CHCHD3: variants seen among roughly 807,000 people sequenced by gnomAD.
The protein encoded by CHCHD3 is MICOS complex subunit MIC19.
CHCHD3 carries 20 observed loss-of-function variants against 38.2 expected under a neutral mutation model. The ratio of observed to expected loss-of-function variants is 0.52; its 90% confidence interval spans 0.37 to 0.76. The LOEUF (loss-of-function observed/expected upper bound fraction) is 0.76. Ranked by LOEUF, CHCHD3 falls within the 30% of genes least tolerant of loss-of-function variation. The probability of loss-of-function intolerance (pLI) is 0.00; values close to 1 mark genes in which losing one functional copy is unlikely to be tolerated. For synonymous variants in CHCHD3, 82 were observed against 100.0 expected (o/e 0.82, Z 1.07); for missense variants, 245 against 279.2 (o/e 0.88, Z 0.87).
chr7:133,038,413 C>T (rs549540200), intron 2 of CHCHD3, among the ~76,000 whole-genome samples: 2 of 152,216 alleles, frequency 1.3e-5, no homozygotes, highest in Non-Finnish European at 2.9e-5. Context: ...TAATTGAACA[C>T]AATGAGATTC....
chr7:132,958,470 G>T (rs537311404), intron 4 of CHCHD3, among the ~76,000 whole-genome samples: 3 of 152,160 alleles, frequency 2.0e-5, no homozygotes, highest in African/African-American at 7.2e-5. Context: ...TACTATGAAG[G>T]TTTCCATCCA....
intron 2 of CHCHD3, among the ~76,000 whole-genome samples, chr7:133,029,066 A>T (rs970733851): frequency 1.3e-5 from 2 of 152,138 alleles, no homozygotes; most frequent in Admixed American, 1.3e-4. Context: ...AACATTAAGT[A>T]ACAAATTTCT....
At position 133,074,506 on chromosome 7, in the gene CHCHD3, C is replaced by T. The variant is rs139371801; in HGVS notation, c.82-4277G>A. On this transcript the variant is annotated intron_variant, in intron 1 of 7. Transcript: ENST00000262570. ...CTGAGACACATCCTAGAAAAATCCC[C>T]GTAAGACTGACTCAATTTATACTTG... Among the ~76,000 whole-genome samples, 208 of 152,166 alleles carry T rather than the reference C, an allele frequency of 1.4e-3. 1 individual carries two copies. Among genetic ancestry groups the T allele is most frequent in the African/African-American group, 3.8e-3 (157 of 41,512 alleles).
intron 5 of CHCHD3, among the ~76,000 whole-genome samples, chr7:132,857,762 CAG>C (rs1203174612): frequency 1.3e-5 from 2 of 152,162 alleles, no homozygotes; most frequent in Non-Finnish European, 2.9e-5. Context: ...CACTTCCTAA[CAG>C]GGGCCTGACT....
intron 5 of CHCHD3, among the ~76,000 whole-genome samples, chr7:132,882,256 G>A (rs988412984): frequency 1.2e-4 from 18 of 151,976 alleles, no homozygotes; most frequent in Middle Eastern, 3.2e-3. Context: ...GTGAATTGCC[G>A]AACAGCCACA....
intron 6 of CHCHD3, among the ~76,000 whole-genome samples, chr7:132,803,024 G>A (rs938173828): frequency 8.6e-5 from 13 of 151,948 alleles, no homozygotes; most frequent in Admixed American, 3.3e-4. Flanking sequence ...AAATAATAAC[G>A]CTGTAATAAA....
chr7:133,055,579 A>C (rs1248046408), intron 2 of CHCHD3, among the ~76,000 whole-genome samples: 1 of 147,224 alleles, frequency 6.8e-6, no homozygotes, highest in African/African-American at 2.5e-5. Flanking sequence ...AATTAATTCT[A>C]ATATAATTGT....
At chr7:132,787,892 G>C (rs2117016458) in intron 7 of CHCHD3, among the ~76,000 whole-genome samples, 1 of 152,282 alleles carries the variant, frequency 6.6e-6, no homozygotes, top group East Asian at 1.9e-4. Context: ...AGAAAAGCTA[G>C]ATGCATTTAG....
intron 5 of CHCHD3, among the ~76,000 whole-genome samples, chr7:132,842,000 A>C (rs1489380521): frequency 6.6e-6 from 1 of 152,170 alleles, no homozygotes; most frequent in Non-Finnish European, 1.5e-5. Flanking sequence ...CAGGAGGCTG[A>C]GGCAGGAGAA....
intron 2 of CHCHD3, among the ~76,000 whole-genome samples, chr7:133,066,760 C>G (rs1814681319): frequency 6.6e-6 from 1 of 152,118 alleles, no homozygotes; most frequent in African/African-American, 2.4e-5. Flanking sequence ...CCCACTCTCT[C>G]GAAATATCAA....
intron 5 of CHCHD3, among the ~76,000 whole-genome samples, chr7:132,850,601 A>C (rs1808197467): frequency 6.6e-6 from 1 of 152,036 alleles, no homozygotes; most frequent in Non-Finnish European, 1.5e-5. Flanking sequence ...ACTGCACCAA[A>C]AACTCATTTG....
At chr7:133,077,846 G>A (rs935546543) in intron 1 of CHCHD3, among the ~76,000 whole-genome samples, 1 of 152,094 alleles carries the variant, frequency 6.6e-6, no homozygotes, top group Non-Finnish European at 1.5e-5. Flanking sequence ...TACTTTTACA[G>A]AAGAGGGAAG....
intron 4 of CHCHD3, among the ~76,000 whole-genome samples, chr7:132,899,183 G>A (rs1388736815): frequency 5.3e-5 from 8 of 152,210 alleles, no homozygotes; most frequent in Non-Finnish European, 8.8e-5. Context: ...AAGACATAAA[G>A]TACAAGAGAC....
At chr7:132,834,965 T>G (rs548133173) in intron 6 of CHCHD3, among the ~76,000 whole-genome samples, 55 of 150,704 alleles carry the variant, frequency 3.6e-4, no homozygotes, top group African/African-American at 1.3e-3. Flanking sequence ...TATTTATTTA[T>G]TTATTTATTT....
At chr7:133,003,357 A>G (rs971682431) in intron 3 of CHCHD3, among the ~76,000 whole-genome samples, 19 of 152,234 alleles carry the variant, frequency 1.2e-4, no homozygotes, top group Non-Finnish European at 4.4e-5. Context: ...ATGGGCTTCC[A>G]ATAGTAAATT....
At chr7:132,934,586 G>C (rs1410561848) in intron 4 of CHCHD3, among the ~76,000 whole-genome samples, 1 of 152,150 alleles carries the variant, frequency 6.6e-6, no homozygotes, top group Non-Finnish European at 1.5e-5. Context: ...CAAGAGAGCA[G>C]CGGCCTGTGT....
At chr7:133,045,203 C>T (rs529537056) in intron 2 of CHCHD3, among the ~76,000 whole-genome samples, 1 of 152,290 alleles carries the variant, frequency 6.6e-6, no homozygotes, top group Non-Finnish European at 1.5e-5. Context: ...AAGAGTAGAA[C>T]TAGATTTTAG....
intron 5 of CHCHD3, among the ~76,000 whole-genome samples, chr7:132,843,431 C>T (rs930975613): frequency 1.3e-4 from 20 of 152,098 alleles, no homozygotes; most frequent in Non-Finnish European, 2.8e-4. Flanking sequence ...TTTAGCTTGC[C>T]ATTCAAAGTG....
intron 3 of CHCHD3, among the ~76,000 whole-genome samples, chr7:133,023,225 T>C (rs916542753): frequency 4.6e-5 from 7 of 152,182 alleles, no homozygotes; most frequent in Admixed American, 4.6e-4. Context: ...TAATTAAATC[T>C]TGATTTTTTA....
Sources: allele counts gnomAD v4.1 joint callset (sites outside exome capture counted in the v4.1 genomes callset), GRCh38; gene constraint gnomAD v4.1.1; transcripts MANE v1.5; gene names NCBI Gene and HGNC (gene_info 2026-07-23, HGNC 2026-07-21).